Variants in ADD3 observed in about 807,000 individuals in gnomAD.
ADD3 encodes the protein adducin 3, also known as gamma-adducin.
Under a neutral mutation model 80.2 loss-of-function variants are expected in ADD3, and 25 were observed. That is an observed-to-expected ratio of 0.31 (90% CI 0.23 to 0.44). ADD3 has a LOEUF of 0.44. Ranked by LOEUF, ADD3 falls within the 20% of genes least tolerant of loss-of-function variation. The pLI is 1.00. For missense variants in ADD3, 829 were observed against 847.5 expected, an observed-to-expected ratio of 0.98 and a Z score of 0.27; for synonymous variants, 284 against 289.6, an observed-to-expected ratio of 0.98 and a Z score of 0.20.
upstream of ADD3, among the ~76,000 whole-genome samples, chr10:110,001,489 T>C (rs1211720869): frequency 1.3e-5 from 2 of 151,656 alleles, no homozygotes; most frequent in Non-Finnish European, 2.9e-5. Context: ...GCAGAAAAGG[T>C]GTAGCCAGTT....
At chr10:110,080,010 A>G (rs1282687998) in intron 1 of ADD3, among the ~76,000 whole-genome samples, 1 of 152,210 alleles carries the variant, frequency 6.6e-6, no homozygotes, top group East Asian at 1.9e-4. Flanking sequence ...GTTTTGGGAT[A>G]GAACCCAGAA....
intron 1 of ADD3, among the ~76,000 whole-genome samples, chr10:110,034,456 A>C (rs7073210): frequency 0.082 from 12,435 of 151,422 alleles, 1,632 homozygotes; most frequent in African/African-American, 0.28. Flanking sequence ...ATATTTTTTC[A>C]TTAATAAAAT....
chr10:110,050,885 C>T (rs1290168729), intron 1 of ADD3, among the ~76,000 whole-genome samples: 1 of 152,134 alleles, frequency 6.6e-6, no homozygotes, highest in African/African-American at 2.4e-5. Flanking sequence ...TATTATATTG[C>T]TCTCAAATGT....
At chr10:110,130,309 G>T (rs1371728301) in intron 12 of ADD3, 54 bp from the exon 13 acceptor site, 1 of 1,565,070 alleles carries the variant, frequency 6.4e-7, no homozygotes, top group Non-Finnish European at 8.8e-7. Context: ...TGGATGGATA[G>T]ATATATAAGT....
chr10:110,030,843 A>G (rs146219796), intron 1 of ADD3, among the ~76,000 whole-genome samples: 21 of 151,704 alleles, frequency 1.4e-4, no homozygotes, highest in African/African-American at 4.1e-4. Flanking sequence ...TTTGAGAGCT[A>G]TTGCCTACAA....
intron 14 of ADD3, among the ~76,000 whole-genome samples, chr10:110,132,908 G>A (rs1162865469): frequency 7.8e-6 from 1 of 128,048 alleles, no homozygotes; most frequent in Admixed American, 8.8e-5. Flanking sequence ...CTGGGCGACA[G>A]AGTGAGACTC....
intron 1 of ADD3, among the ~76,000 whole-genome samples, chr10:110,077,809 C>G (rs566428206): frequency 6.6e-6 from 1 of 152,164 alleles, no homozygotes; most frequent in African/African-American, 2.4e-5. Context: ...CTTTTTTCCC[C>G]CTCACACACT....
At chr10:110,112,638 TG>T in intron 2 of ADD3, 138 bp from the exon 3 acceptor site, 1 of 999,390 alleles carries the variant, frequency 1.0e-6, no homozygotes, top group African/African-American at 1.6e-5. Flanking sequence ...TTTATTATTT[TG>T]TGTTTTATAT....
At chr10:110,000,204 G>C (rs1220486446) in intron 1 of ADD3, among the ~76,000 whole-genome samples, 1 of 152,192 alleles carries the variant, frequency 6.6e-6, no homozygotes, top group East Asian at 1.9e-4. Context: ...ATAGGCGTGA[G>C]CCACCGCACC....
chr10:110,055,346 A>G (rs931170714), intron 1 of ADD3, among the ~76,000 whole-genome samples: 5 of 152,204 alleles, frequency 3.3e-5, no homozygotes, highest in Admixed American at 2.0e-4. Flanking sequence ...CAGAAATATT[A>G]CACGTGGTAC....
chr10:110,125,961 C>G lies in ADD3; in HGVS notation c.1521+16C>G, dbSNP rs1337251824. The G allele has an allele frequency of 1.3e-6, 2 of 1,589,728 alleles. No homozygotes were observed. Among genetic ancestry groups the G allele is most frequent in the African/African-American group, 2.7e-5 (2 of 73,726 alleles). On this transcript the variant is annotated intron_variant, in intron 11 of 14. Transcript: ENST00000356080. ...GAGAAATAAGGTAAGACATGGTCTT[C>G]TATAGCCAGGGGAGACATTTTAATT...
intron 1 of ADD3, among the ~76,000 whole-genome samples, chr10:110,088,201 C>T (rs1847045993): frequency 1.3e-5 from 2 of 152,146 alleles, no homozygotes; most frequent in South Asian, 4.1e-4. Context: ...ACACTGTGAG[C>T]TTCTGGGGAC....
intron 3 of ADD3, among the ~76,000 whole-genome samples, 200 bp downstream of exon 3, chr10:110,113,115 A>G (rs1469747218): frequency 6.6e-6 from 1 of 152,156 alleles, no homozygotes; most frequent in Non-Finnish European, 1.5e-5. Context: ...ATAAGATGAT[A>G]TAAGACATGA....
At chr10:110,113,211 G>A (rs1590178197) in intron 3 of ADD3, among the ~76,000 whole-genome samples, 1 of 152,202 alleles carries the variant, frequency 6.6e-6, no homozygotes, top group Admixed American at 6.5e-5. Flanking sequence ...CCAGGAGTTC[G>A]AGACCAGCCT....
intron 1 of ADD3, among the ~76,000 whole-genome samples, chr10:110,068,789 G>A (rs1409893219): frequency 6.6e-6 from 1 of 152,068 alleles, no homozygotes; most frequent in Non-Finnish European, 1.5e-5. Flanking sequence ...TAAAAAGTTG[G>A]CTAGTGGCTG....
chr10:110,074,352 T>A (rs1307783421), intron 1 of ADD3, among the ~76,000 whole-genome samples: 1 of 152,206 alleles, frequency 6.6e-6, no homozygotes, highest in Admixed American at 6.5e-5. Context: ...TATGGAATGT[T>A]TCATTCACTC....
upstream of ADD3, among the ~76,000 whole-genome samples, chr10:110,007,290 C>A (rs577133405): frequency 6.6e-6 from 1 of 152,156 alleles, no homozygotes; most frequent in East Asian, 1.9e-4. Context: ...CCCCTGTCCT[C>A]CCCCTATGTG....
chr10:110,053,977 A>C (rs536689046), intron 1 of ADD3, among the ~76,000 whole-genome samples: 1 of 152,324 alleles, frequency 6.6e-6, no homozygotes, highest in Non-Finnish European at 1.5e-5. Context: ...GAAATGGGAG[A>C]TGTGTATGCC....
intron 1 of ADD3, among the ~76,000 whole-genome samples, chr10:110,022,698 C>G (rs1225733548): frequency 6.6e-6 from 1 of 152,126 alleles, no homozygotes; most frequent in Non-Finnish European, 1.5e-5. Flanking sequence ...GACTCCAACA[C>G]AAACCTGCGA....
Sources: gnomAD v4.1 joint callset for allele counts (sites outside exome capture counted in the v4.1 genomes callset) on GRCh38, gnomAD v4.1.1 for gene constraint, MANE v1.5 for transcripts, NCBI Gene and HGNC (gene_info 2026-07-23, HGNC 2026-07-21) for gene names.